The following CBLN3 variants were observed in gnomAD, a reference collection of about 807,000 sequenced individuals.
CBLN3 encodes cerebellin-3.
CBLN3 carries 14 observed loss-of-function variants against 17.4 expected under a neutral mutation model. The observed-to-expected ratio is 0.81, with a 90% CI of 0.53 to 1.26. The LOEUF (loss-of-function observed/expected upper bound fraction) is 1.26, where lower values mean the gene tolerates loss of function less well. CBLN3 is among the 50% of genes most tolerant of loss of function. The probability of loss-of-function intolerance (pLI) is 0.00; values close to 1 mark genes in which losing one functional copy is unlikely to be tolerated. For missense variants in CBLN3, 263 were observed against 268.5 expected, an observed-to-expected ratio of 0.98 and a Z score of 0.14; for synonymous variants, 129 against 117.4, an observed-to-expected ratio of 1.10 and a Z score of -0.64.
rs745600854 is a variant in CBLN3, at chr14:24,428,300, G to A, written c.406C>T (p.Arg136Cys). ...GCTGAGGTCACCTGGACAGTTTGGC[G>A]GTTGTACACCTTCACCACATGGAAC... ...FRFHVVKVYN[R>C]QTVQVSLMLN... The change falls in exon 2 of 3, where the codon CGC (arginine) becomes TGC (cysteine). Residue 136 changes from arginine (R) to cysteine (C), a missense_variant. Coordinates refer to ENST00000267406, the MANE Select transcript of CBLN3 (RefSeq NM_001039771.3). 15 of 1,613,760 alleles carry A rather than the reference G, an allele frequency of 9.3e-6. No homozygotes were observed. In the African/African-American group the frequency reaches 9.3e-5, roughly 10 times the overall value.
In CBLN3 at chr14:24,428,242, C is replaced by T. The variant is rs767094845; in HGVS notation, c.420+44G>A. 3 of 1,607,036 alleles carry T rather than the reference C, an allele frequency of 1.9e-6. No homozygotes were observed. The African/African-American group carries it at 4.0e-5, about 21-fold the overall frequency. On this transcript the variant is annotated intron_variant, in intron 2 of 2. Transcript: ENST00000267406. ...CAGCTGGGCTCCCCTTCTTCCCCCT[C>T]CCCACCCTCCTGAGCCGGGGATGGG...
chr14:24,428,388 G>A lies in CBLN3; in HGVS notation c.318C>T (p.Gly106=), dbSNP rs1217283907. The A allele has an allele frequency of 3.1e-6, 5 of 1,613,854 alleles. No individual in the cohort carries two copies. In the South Asian group the frequency reaches 3.3e-5, roughly 11 times the overall value. The change falls in exon 2 of 3, where the codon GGC becomes GGT. Residue 106 remains glycine (G), a synonymous_variant. Coordinates refer to ENST00000267406, the MANE Select transcript of CBLN3 (RefSeq NM_001039771.3). The stretch of plus-strand genomic sequence containing the variant: ...AGCCAGAGGCCCGGTCAAAGCCACC[G>A]CCCTCGTTCACCAGGACCTGGGGGA... ...IYFDQVLVNE[G]GGFDRASGSF...
At chr14:24,428,635 G>T in intron 1 of CBLN3, 120 bp downstream of exon 1, 1 of 1,251,064 alleles carries the variant, frequency 8.0e-7, no homozygotes, top group Non-Finnish European at 1.1e-6. Flanking sequence ...GGCCAGATTA[G>T]TGAAAGATGT....
Position 24,427,981 on chromosome 14 carries a change from G to T in CBLN3, c.426C>A (p.Ser142Arg). The T allele has an allele frequency of 6.2e-7, 1 of 1,612,998 alleles. No individual in the cohort carries two copies. The highest frequency in any genetic ancestry group is 8.5e-7 in the Non-Finnish European group (1 of 1,179,702). Residue 142 changes from serine (S) to arginine (R), a missense_variant, in exon 3 of 3, where the codon AGC becomes AGA. Physicochemically the swap from Ser to Arg is moderately radical, Grantham distance 110 (BLOSUM62 -1). Transcript: ENST00000267406. The surrounding 1 kb of genome is among the most constrained non-coding windows in gnomAD (Gnocchi z 4.4). ...TGACAGGCCACGTGTTCAGCATCAG[G>T]CTCACCTGGGGAGGGGAGCCCAGTT... The part of the protein sequence containing the change: ...KVYNRQTVQV[S>R]LMLNTWPVIS...
intron 1 of CBLN3, 123 bp downstream of exon 1, chr14:24,428,632 T>A (rs772452323): frequency 2.9e-4 from 357 of 1,214,850 alleles, no homozygotes; most frequent in Non-Finnish European, 4.0e-4. Context: ...ATAGGCCAGA[T>A]TAGTGAAAGA....
At chr14:24,428,060 C>G in intron 2 of CBLN3, 74 bp from the exon 3 acceptor site, 3 of 1,502,844 alleles carry the variant, frequency 2.0e-6, no homozygotes, top group Non-Finnish European at 2.7e-6. Context: ...CAGGAGCTTC[C>G]TCTTGGGAAG....
At chr14:24,428,236 C>T (rs1403643395) in intron 2 of CBLN3, 50 bp downstream of exon 2, 3 of 1,603,624 alleles carry the variant, frequency 1.9e-6, no homozygotes, top group African/African-American at 2.7e-5. Flanking sequence ...TCCCCTTCTT[C>T]CCCCTCCCCA....
In CBLN3 at chr14:24,429,657, T is replaced by C; in HGVS notation, c.-603A>G. On this transcript the variant is annotated 5_prime_UTR_variant, in exon 1 of 3. Coordinates refer to ENST00000267406, the MANE Select transcript of CBLN3 (RefSeq NM_001039771.3). ...AAAGTGCTTGGGCCTAGAGCACCAG[T>C]GGGCCAGTCACGCTGCCTCTTTGGT... is the stretch of plus-strand genomic sequence containing the variant. 1 of 1,117,696 alleles carries C rather than the reference T, an allele frequency of 8.9e-7. No individual in the cohort carries two copies. The highest frequency in any genetic ancestry group is 1.1e-6 in the Non-Finnish European group (1 of 901,116). 69.2% of individuals were successfully genotyped at this position (1,117,696 alleles called of 1,614,324 possible). A position where few individuals can be genotyped will look rare whatever the true frequency, so the allele number is the denominator to read the frequency against.
intron 2 of CBLN3, 71 bp downstream of exon 2, chr14:24,428,215 G>A: frequency 6.3e-7 from 1 of 1,585,774 alleles, no homozygotes; most frequent in Middle Eastern, 1.7e-4. Context: ...CCACCCGGAG[G>A]TCAGCTGGGC....
At position 24,427,686 on chromosome 14, in the gene CBLN3, G is replaced by A. The variant is rs988359090; in HGVS notation, c.*103C>T. ...GGTCCCATGCAAAGAGGTGGGATAG[G>A]AGCCAGAGGGAGTCTCTCTCCTGCC... On this transcript the variant is annotated 3_prime_UTR_variant, in exon 3 of 3. Transcript: ENST00000267406. This position sits in a 1 kb window ranked among gnomAD's most constrained non-coding sequence, Gnocchi z 4.4. The A allele has an allele frequency of 9.6e-7, 1 of 1,045,856 alleles. No individual in the cohort carries two copies. Among genetic ancestry groups the A allele is most frequent in the Non-Finnish European group, 1.5e-6 (1 of 682,390 alleles). The allele number at this position is 1,045,856 out of a possible 1,614,324, so 64.8% of individuals were successfully genotyped here. A position where few individuals can be genotyped will look rare whatever the true frequency, so the allele number is the denominator to read the frequency against.
intron 2 of CBLN3, 45 bp from the exon 3 acceptor site, chr14:24,428,031 T>C (rs1240206459): frequency 6.4e-6 from 10 of 1,573,138 alleles, no homozygotes; most frequent in Non-Finnish European, 8.7e-6. Context: ...AGCCCTTAGC[T>C]CAGGACCCCC....
Position 24,428,883 on chromosome 14 carries a change from C to T in CBLN3, c.172G>A (p.Gly58Arg), listed in dbSNP as rs1325570625. 32 of 1,600,100 alleles carry T rather than the reference C, an allele frequency of 2.0e-5. No homozygotes were observed. The highest frequency in any genetic ancestry group is 2.6e-5 in the Non-Finnish European group (30 of 1,173,582). Residue 58 changes from glycine (G) to arginine (R), a missense_variant, in exon 1 of 3, where the codon GGG becomes AGG. By Grantham distance (125) the Gly-to-Arg change is moderately radical (BLOSUM62 -2). Transcript: ENST00000267406. ...VCEPGRAAAG[G>R]PGGAALGEAP... ...TCTCCCAGGGCTGCTCCCCCGGGCC[C>T]CCCTGCAGCAGCTCGGCCAGGCTCA...
rs2043056863 is a variant in CBLN3 at position 24,429,017 on chromosome 14, AGGGGACCTGGTAGCCAGTGTG to A, written c.17_37del (p.Pro6_Pro12del). 1 of 1,534,132 alleles carries A rather than the reference AGGGGACCTGGTAGCCAGTGTG, an allele frequency of 6.5e-7. No homozygotes were observed. The highest frequency in any genetic ancestry group is 8.8e-7 in the Non-Finnish European group (1 of 1,136,292). On this transcript the variant is annotated inframe_deletion, in exon 1 of 3. Transcript: ENST00000267406. ...AACCAAGGGCAGCCCGGGACTGTGTAGGGGACCTGGTAGCCAGTGTGGCTTGGCTCCCAACATGGCTGAGGG... is the reference window on the plus strand; with the variant it reads ...AACCAAGGGCAGCCCGGGACTGTGTAGCTTGGCTCCCAACATGGCTGAGGG...
In CBLN3 at chr14:24,428,502, A is replaced by C. The variant is rs142555651; in HGVS notation, c.301-97T>G. On this transcript the variant is annotated intron_variant, in intron 1 of 2. Transcript: ENST00000267406. ...GGCAGGGGCAGTGAGTAATGAATAG[A>C]AGGAGTGGCAAGTAGGAGTGAATAG... The C allele has an allele frequency of 1.3e-3, 1,879 of 1,416,606 alleles. 41 individuals are homozygous for C. In the Admixed American group the frequency reaches 0.036, roughly 27 times the overall value. 87.8% of individuals were successfully genotyped at this position (1,416,606 alleles called of 1,614,324 possible).
chr14:24,429,300 G>A lies in CBLN3; in HGVS notation c.-246C>T. On this transcript the variant is annotated 5_prime_UTR_variant, in exon 1 of 3. Transcript: ENST00000267406. ...AGTTGGGCTTTGGGAGAGAAAGGAGGGATGAAGCCGCCTGCCCACTGGACG... is the reference window on the plus strand; with the variant it reads ...AGTTGGGCTTTGGGAGAGAAAGGAGAGATGAAGCCGCCTGCCCACTGGACG... The A allele has an allele frequency of 1.5e-6, 1 of 688,488 alleles. No homozygotes were observed. The highest frequency in any genetic ancestry group is 2.6e-6 in the Non-Finnish European group (1 of 380,576). The allele number at this position is 688,488 out of a possible 1,614,324, so 42.6% of individuals were successfully genotyped here.
chr14:24,427,942 G>A lies in CBLN3; in HGVS notation c.465C>T (p.Ala155=), dbSNP rs1356878018. The A allele has an allele frequency of 1.2e-6, 2 of 1,613,828 alleles. No individual in the cohort carries two copies. Among genetic ancestry groups the A allele is most frequent in the South Asian group, 1.1e-5 (1 of 91,078 alleles). ...LNTWPVISAF[A]NDPDVTREAA... ...CCTCCCGGGTCACGTCAGGATCATT[G>A]GCAAAGGCTGAGATGACAGGCCACG... Residue 155 remains alanine (A), a synonymous_variant, in exon 3 of 3, where the codon GCC becomes GCT. Transcript: ENST00000267406. This position sits in a 1 kb window ranked among gnomAD's most constrained non-coding sequence, Gnocchi z 4.4.
In CBLN3 at chr14:24,429,477, C is replaced by T; in HGVS notation, c.-423G>A. ...TATGCCAGAGGCAGCCCCTCAACCC[C>T]TTCCTCCTACTCTTCCTCTCTTCAA... On this transcript the variant is annotated 5_prime_UTR_variant, in exon 1 of 3. Transcript: ENST00000267406. 4.2e-6 allele frequency: 2 copies of T among 472,020 alleles called. No homozygotes were observed. The highest frequency in any genetic ancestry group is 5.0e-5 in the Admixed American group (2 of 40,112). 29.2% of individuals were successfully genotyped at this position (472,020 alleles called of 1,614,324 possible). A position where few individuals can be genotyped will look rare whatever the true frequency, so the allele number is the denominator to read the frequency against.
At position 24,429,137 on chromosome 14, in the gene CBLN3, C is replaced by T. The variant is rs889687447; in HGVS notation, c.-83G>A. On this transcript the variant is annotated 5_prime_UTR_variant, in exon 1 of 3. Transcript: ENST00000267406. Reference sequence around the variant, plus strand: ...GCTCCTCTCCCTGGATTCTCACCGCCGGCACCCTGATCGTCTGCCCTCTCT... The same window carrying T: ...GCTCCTCTCCCTGGATTCTCACCGCTGGCACCCTGATCGTCTGCCCTCTCT... The T allele has an allele frequency of 5.7e-6, 8 of 1,405,786 alleles. No individual in the cohort carries two copies. In the South Asian group the frequency reaches 7.3e-5, roughly 13 times the overall value. 87.1% of individuals were successfully genotyped at this position (1,405,786 alleles called of 1,614,324 possible).
rs192378830 is a variant in CBLN3 at position 24,427,373 on chromosome 14, C to T, written c.*416G>A. 9.0e-5 allele frequency: 18 copies of T among 200,152 alleles called. No individual in the cohort carries two copies. Among genetic ancestry groups the T allele is most frequent in the Admixed American group, 2.7e-4 (5 of 18,570 alleles). The allele number at this position is 200,152 out of a possible 1,614,324, so 12.4% of individuals were successfully genotyped here. On this transcript the variant is annotated 3_prime_UTR_variant, in exon 3 of 3. Coordinates refer to ENST00000267406, the MANE Select transcript of CBLN3 (RefSeq NM_001039771.3). The surrounding 1 kb of genome is among the most constrained non-coding windows in gnomAD (Gnocchi z 4.4). ...CTCACAGGAAGAAGCCTGCAGGGTA[C>T]GCTGAGGCTTGTCCATCTGGGCTCC...
Sources: gnomAD v4.1 joint callset for allele counts on GRCh38, gnomAD v4.1.1 for gene constraint, Gnocchi (gnomAD v3.1) non-coding constraint, MANE v1.5 for transcripts, NCBI Gene and HGNC (gene_info 2026-07-23, HGNC 2026-07-21) for gene names.